The following NEMP2 variants were observed in gnomAD, a reference collection of about 807,000 sequenced individuals.
The protein encoded by NEMP2 is nuclear envelope integral membrane protein 2, also known as UPF0571 transmembrane protein.
NEMP2 carries 53 observed loss-of-function variants against 54.2 expected under a neutral mutation model. The observed-to-expected ratio is 0.98, with a 90% CI of 0.78 to 1.23. The LOEUF (loss-of-function observed/expected upper bound fraction) is 1.23. Ranked by LOEUF, NEMP2 falls within the 50% of genes most tolerant of loss-of-function variation. NEMP2 has a pLI of 0.00. For synonymous variants in NEMP2, 197 were observed against 190.3 expected (o/e 1.04, Z -0.29); for missense variants, 455 against 511.3 (o/e 0.89, Z 1.06).
the NEMP2 span, among the ~76,000 whole-genome samples, chr2:190,554,159 A>C: frequency 7.4e-3 from 1,128 of 152,284 alleles, 14 homozygotes; most frequent in South Asian, 0.013. The surrounding 1 kb of genome is among the most constrained non-coding windows in gnomAD (Gnocchi z 5.7). Flanking sequence ...CTCACAACCC[A>C]CAGACCAGGA....
chr2:190,559,612 G>A, the NEMP2 span, among the ~76,000 whole-genome samples: 1 of 152,210 alleles, frequency 6.6e-6, no homozygotes, highest in Non-Finnish European at 1.5e-5. This position sits in a 1 kb window ranked among gnomAD's most constrained non-coding sequence, Gnocchi z 4.0. Context: ...TTTCAGGAGG[G>A]AACAGTCAGC....
chr2:190,577,389 T>C, the NEMP2 span, among the ~76,000 whole-genome samples: 11 of 152,188 alleles, frequency 7.2e-5, no homozygotes, highest in African/African-American at 2.2e-4. The surrounding 1 kb of genome is among the most constrained non-coding windows in gnomAD (Gnocchi z 4.8). Context: ...TGCAATGTCA[T>C]AGATTATGTG....
the NEMP2 span, among the ~76,000 whole-genome samples, chr2:190,496,791 T>C: frequency 6.6e-6 from 1 of 152,198 alleles, no homozygotes; most frequent in African/African-American, 2.4e-5. This position sits in a 1 kb window ranked among gnomAD's most constrained non-coding sequence, Gnocchi z 4.7. Context: ...GACCATATTC[T>C]AAGTGAAGCA....
the NEMP2 span, among the ~76,000 whole-genome samples, chr2:190,428,657 AT>A: frequency 1.7e-5 from 1 of 57,462 alleles, no homozygotes; most frequent in South Asian, 4.5e-4. Context: ...ATGCTTGCTT[AT>A]TTATTTATTT....
chr2:190,572,855 A>ATG, the NEMP2 span, among the ~76,000 whole-genome samples: 1 of 127,284 alleles, frequency 7.9e-6, no homozygotes, highest in African/African-American at 3.0e-5. Flanking sequence ...ATATATATAT[A>ATG]TATATATATA....
chr2:190,595,150 G>T, the NEMP2 span, among the ~76,000 whole-genome samples: 1 of 152,092 alleles, frequency 6.6e-6, no homozygotes, highest in Non-Finnish European at 1.5e-5. The surrounding 1 kb of genome is among the most constrained non-coding windows in gnomAD (Gnocchi z 4.0). Flanking sequence ...CAAGAAATGG[G>T]GGAAAGGATT....
At chr2:190,478,462 C>T in the NEMP2 span, among the ~76,000 whole-genome samples, 5 of 152,188 alleles carry the variant, frequency 3.3e-5, no homozygotes, top group African/African-American at 1.2e-4. Context: ...GAATAAAATC[C>T]TGCATCACAG....
At chr2:190,616,179 G>C in the NEMP2 span, among the ~76,000 whole-genome samples, 2 of 152,338 alleles carry the variant, frequency 1.3e-5, no homozygotes, top group African/African-American at 4.8e-5. The surrounding 1 kb of genome is among the most constrained non-coding windows in gnomAD (Gnocchi z 5.1). Flanking sequence ...AGTATGTGTG[G>C]ATGGAGTGAG....
the NEMP2 span, among the ~76,000 whole-genome samples, chr2:190,456,924 C>T: frequency 6.6e-6 from 1 of 152,164 alleles, no homozygotes; most frequent in Non-Finnish European, 1.5e-5. This position sits in a 1 kb window ranked among gnomAD's most constrained non-coding sequence, Gnocchi z 5.4. Context: ...TGCTTTTCTA[C>T]TTTCCTCTTA....
the NEMP2 span, among the ~76,000 whole-genome samples, chr2:190,495,604 A>G: frequency 1.3e-5 from 2 of 152,206 alleles, no homozygotes; most frequent in African/African-American, 2.4e-5. This position sits in a 1 kb window ranked among gnomAD's most constrained non-coding sequence, Gnocchi z 4.7. Flanking sequence ...ACTATACTAT[A>G]AGGCCATAGT....
chr2:190,501,660 A>G (rs1027719556), downstream of NEMP2: 2 of 152,618 alleles, frequency 1.3e-5, no homozygotes, highest in Admixed American at 6.5e-5. Flanking sequence ...GGGCTTCTCC[A>G]TGACACCATA....
the NEMP2 span, among the ~76,000 whole-genome samples, chr2:190,431,142 C>T: frequency 2.8e-5 from 4 of 141,646 alleles, no homozygotes; most frequent in Non-Finnish European, 6.1e-5. The surrounding 1 kb of genome is among the most constrained non-coding windows in gnomAD (Gnocchi z 4.4). Flanking sequence ...ACATCTCAGA[C>T]GATGGGCAGC....
chr2:190,509,894 C>T lies in NEMP2; in HGVS notation c.1130+467G>A, dbSNP rs1033877531. Among the ~76,000 whole-genome samples, 8 of 152,156 alleles carry T rather than the reference C, an allele frequency of 5.3e-5. No homozygotes were observed. Among genetic ancestry groups the T allele is most frequent in the African/African-American group, 9.7e-5 (4 of 41,444 alleles). On this transcript the variant is annotated intron_variant, in intron 8 of 8. Transcript: ENST00000409150. This position sits in a 1 kb window ranked among gnomAD's most constrained non-coding sequence, Gnocchi z 6.1. ...CTCTACTGAAAATACAAAAATTAGC[C>T]GGGCATGGTGGCGCCCGCGCCTTGT...
chr2:190,537,737 C>T (rs975862950), upstream of NEMP2, among the ~76,000 whole-genome samples: 1 of 152,150 alleles, frequency 6.6e-6, no homozygotes. Flanking sequence ...AAGGAAAACC[C>T]ATTTTCTGGA....
At chr2:190,437,580 T>TC in the NEMP2 span, 7 of 1,600,186 alleles carry the variant, frequency 4.4e-6, no homozygotes, top group Admixed American at 1.2e-4. This position sits in a 1 kb window ranked among gnomAD's most constrained non-coding sequence, Gnocchi z 5.9. Flanking sequence ...ATGCTTACGA[T>TC]TGCTGCCCCT....
chr2:190,453,164 C>A, the NEMP2 span, among the ~76,000 whole-genome samples: 1 of 151,950 alleles, frequency 6.6e-6, no homozygotes, highest in Non-Finnish European at 1.5e-5. Flanking sequence ...TGAATAAAAG[C>A]CAGAGTTCTT....
At chr2:190,534,981 T>A (rs1691322135), upstream of NEMP2, 3 of 224,382 alleles carry the variant, frequency 1.3e-5, no homozygotes, top group South Asian at 5.5e-4. Flanking sequence ...CATCTTCCCC[T>A]GGGGACCGCC....
the NEMP2 span, among the ~76,000 whole-genome samples, chr2:190,548,559 C>A: frequency 3.3e-5 from 5 of 152,294 alleles, no homozygotes; most frequent in East Asian, 3.9e-4. Flanking sequence ...TTCCCTCTTT[C>A]TACTTTTTGC....
At chr2:190,576,958 G>GT in the NEMP2 span, among the ~76,000 whole-genome samples, 22 of 152,184 alleles carry the variant, frequency 1.4e-4, no homozygotes, top group Non-Finnish European at 3.1e-4. Flanking sequence ...TTCTCATGAA[G>GT]TTCACTGTCA....
Sources: allele counts gnomAD v4.1 joint callset (sites outside exome capture counted in the v4.1 genomes callset), GRCh38; gene constraint gnomAD v4.1.1; non-coding constraint Gnocchi (gnomAD v3.1); transcripts MANE v1.5; gene names NCBI Gene and HGNC (gene_info 2026-07-23, HGNC 2026-07-21).